ZNF438: variants seen among roughly 807,000 people sequenced by gnomAD.
ZNF438 encodes the protein zinc finger protein 438.
A neutral mutation model predicts 38.0 loss-of-function variants in ZNF438; 25 were observed. The ratio of observed to expected loss-of-function variants is 0.66; its 90% confidence interval spans 0.48 to 0.92. The LOEUF (loss-of-function observed/expected upper bound fraction) is 0.92, where lower values mean the gene tolerates loss of function less well. Among genes scored for constraint, ZNF438 ranks in the 40% least tolerant of loss-of-function variants. The probability of loss-of-function intolerance (pLI) is 0.00; values close to 1 mark genes in which losing one functional copy is unlikely to be tolerated. For synonymous variants in ZNF438, 372 were observed against 364.1 expected, an observed-to-expected ratio of 1.02 and a Z score of -0.25; for missense variants, 1,007 against 999.6, an observed-to-expected ratio of 1.01 and a Z score of -0.10.
chr10:30,932,823 G>T (rs2045842623), intron 2 of ZNF438, among the ~76,000 whole-genome samples: 2 of 152,174 alleles, frequency 1.3e-5, no homozygotes, highest in Non-Finnish European at 2.9e-5. Context: ...CAATGTACTG[G>T]TATCCTCACA....
At chr10:31,009,945 T>A (rs982681180) in intron 1 of ZNF438, among the ~76,000 whole-genome samples, 5 of 150,878 alleles carry the variant, frequency 3.3e-5, no homozygotes, top group African/African-American at 1.2e-4. Context: ...ACCTCCCAAG[T>A]TCAAGCGATT....
chr10:30,948,019 C>T (rs533945914), intron 1 of ZNF438, among the ~76,000 whole-genome samples: 8 of 149,628 alleles, frequency 5.3e-5, no homozygotes, highest in East Asian at 2.0e-4. Flanking sequence ...TGTTCCTATT[C>T]GGCCATCTTG....
At chr10:30,944,078 T>G (rs2047107822) in intron 1 of ZNF438, among the ~76,000 whole-genome samples, 1 of 152,130 alleles carries the variant, frequency 6.6e-6, no homozygotes, top group South Asian at 2.1e-4. Context: ...CACGACTGCT[T>G]GGAAAAAGAG....
intron 2 of ZNF438, among the ~76,000 whole-genome samples, chr10:30,932,539 T>G (rs1403741247): frequency 6.6e-6 from 1 of 152,230 alleles, no homozygotes; most frequent in African/African-American, 2.4e-5. Flanking sequence ...ATGAGAGCAC[T>G]GAGGCAGTGG....
intron 1 of ZNF438, among the ~76,000 whole-genome samples, chr10:30,991,783 A>C (rs2053530084): frequency 6.6e-6 from 1 of 152,196 alleles, no homozygotes; most frequent in South Asian, 2.1e-4. Context: ...GAGGTCAGGA[A>C]GGCTGTGCCC....
At chr10:30,944,781 AAAGAG>A (rs1247708712) in intron 1 of ZNF438, among the ~76,000 whole-genome samples, 3 of 152,220 alleles carry the variant, frequency 2.0e-5, no homozygotes, top group Admixed American at 1.3e-4. Flanking sequence ...TAGTCATGTC[AAAGAG>A]GAGAAACGGT....
At chr10:30,865,540 A>T (rs964281247) in intron 4 of ZNF438, among the ~76,000 whole-genome samples, 1 of 152,234 alleles carries the variant, frequency 6.6e-6, no homozygotes, top group Non-Finnish European at 1.5e-5. Flanking sequence ...CTTCTTCTAA[A>T]ACTGATGACA....
At chr10:31,012,865 G>T (rs1242689504) in intron 1 of ZNF438, among the ~76,000 whole-genome samples, 1 of 152,194 alleles carries the variant, frequency 6.6e-6, no homozygotes, top group Non-Finnish European at 1.5e-5. Context: ...ATTGGCCAGT[G>T]AGGGTGAAGT....
At chr10:30,872,749 C>CAAAACAAAAAA (rs1554823943) in intron 4 of ZNF438, among the ~76,000 whole-genome samples, 10 of 88,862 alleles carry the variant, frequency 1.1e-4, no homozygotes, top group Non-Finnish European at 1.5e-4. Flanking sequence ...GACTCTGTCT[C>CAAAACAAAAAA]AAAAAAAAAA....
At chr10:30,903,483 C>G (rs1281807186) in intron 3 of ZNF438, among the ~76,000 whole-genome samples, 1 of 152,198 alleles carries the variant, frequency 6.6e-6, no homozygotes, top group East Asian at 1.9e-4. Flanking sequence ...TACATTCAGT[C>G]CAGATATTTC....
chr10:30,920,203 A>C (rs548179194), intron 2 of ZNF438: 1 of 152,352 alleles, frequency 6.6e-6, no homozygotes, highest in South Asian at 2.1e-4. Flanking sequence ...AAATTCTTCC[A>C]TGTAGTCATT....
At chr10:30,935,873 C>T (rs909987299) in intron 2 of ZNF438, among the ~76,000 whole-genome samples, 2 of 152,164 alleles carry the variant, frequency 1.3e-5, no homozygotes, top group Non-Finnish European at 2.9e-5. Context: ...CATGGGGGAA[C>T]TGCCCCATGA....
In ZNF438 at chr10:30,958,598, G is replaced by A. The variant is rs867982536; in HGVS notation, c.-191-16947C>T. ...ATTAATCATTGTCCATTGAACAGGG[G>A]ACAGTTCAATGACGTTTTAGTCCAT... On this transcript the variant is annotated intron_variant, in intron 1 of 5. Coordinates refer to ENST00000413025, the Ensembl canonical transcript of ZNF438. Among the ~76,000 whole-genome samples the A allele has an allele frequency of 1.1e-4, 16 of 146,900 alleles. 2 individuals carry two copies. The highest frequency in any genetic ancestry group is 2.2e-4 in the South Asian group (1 of 4,566).
intron 3 of ZNF438, among the ~76,000 whole-genome samples, chr10:30,902,971 G>C (rs1589113563): frequency 1.5e-5 from 2 of 129,458 alleles, no homozygotes; most frequent in African/African-American, 6.3e-5. Context: ...GCTAAGGACC[G>C]GGGAGAAATC....
exon 5 of ZNF438, chr10:30,849,947 G>A (rs1564481809): frequency 1.2e-6 from 2 of 1,614,202 alleles, no homozygotes; most frequent in Non-Finnish European, 1.7e-6. Context: ...ACACATTTGG[G>A]TTTGGGCAGG....
chr10:30,860,878 G>A (rs1325912346), intron 4 of ZNF438, among the ~76,000 whole-genome samples: 1 of 152,170 alleles, frequency 6.6e-6, no homozygotes, highest in Non-Finnish European at 1.5e-5. Context: ...AAGAAAGTGG[G>A]GTAAGTACAG....
At chr10:30,955,296 T>C (rs762514697) in intron 1 of ZNF438, among the ~76,000 whole-genome samples, 7 of 152,168 alleles carry the variant, frequency 4.6e-5, no homozygotes, top group Non-Finnish European at 1.0e-4. Flanking sequence ...TGGACTGTGG[T>C]GGATTAAAGA....
Position 30,957,894 on chromosome 10 carries a change from C to T in ZNF438, c.-191-16243G>A, listed in dbSNP as rs183766917. 9.3e-5 allele frequency among the ~76,000 whole-genome samples: 11 copies of T among 118,272 alleles called. 1 individual carries two copies. Among genetic ancestry groups the T allele is most frequent in the Admixed American group, 1.7e-4 (2 of 11,714 alleles). The allele number at this position is 118,272 out of a possible 152,430, so 77.6% of individuals were successfully genotyped here. On this transcript the variant is annotated intron_variant, in intron 1 of 5. Coordinates refer to ENST00000413025, the Ensembl canonical transcript of ZNF438. ...AATTTTGTGACTCATTATTGCTGTA[C>T]TCAGGTGTTCTATTCCATTATGATT...
At chr10:30,875,597 T>C (rs540229537) in intron 4 of ZNF438, 1 of 984,628 alleles carries the variant, frequency 1.0e-6, no homozygotes, top group Non-Finnish European at 1.2e-6. Flanking sequence ...TTCCAGAGGA[T>C]ATATACCAGA....
Sources: gnomAD v4.1 joint callset for allele counts (sites outside exome capture counted in the v4.1 genomes callset) on GRCh38, gnomAD v4.1.1 for gene constraint, MANE v1.5 for transcripts, NCBI Gene and HGNC (gene_info 2026-07-23, HGNC 2026-07-21) for gene names.